Variants in MED24 observed in about 807,000 individuals in gnomAD.
MED24 encodes mediator of RNA polymerase II transcription subunit 24.
MED24 carries 74 observed loss-of-function variants against 118.8 expected under a neutral mutation model. The ratio of observed to expected loss-of-function variants is 0.62; its 90% CI spans 0.52 to 0.76. The LOEUF (loss-of-function observed/expected upper bound fraction) is 0.76. MED24 is among the 30% of genes least tolerant of loss of function. MED24 has a pLI of 0.00. For missense variants in MED24, 1,041 were observed against 1,278.9 expected (o/e 0.81, Z 2.84); for synonymous variants, 521 against 523.9 (o/e 0.99, Z 0.08).
chr17:40,053,717 G>C, intron 1 of MED24, 82 bp from the exon 2 acceptor site: 1 of 1,540,904 alleles, frequency 6.5e-7, no homozygotes, highest in Non-Finnish European at 8.9e-7. Context: ...AAATAGAAAG[G>C]AGAAGATGCG....
chr17:40,046,988 G>A (rs1007580805), intron 3 of MED24, among the ~76,000 whole-genome samples: 2 of 151,982 alleles, frequency 1.3e-5, no homozygotes. Flanking sequence ...CATGACTGTA[G>A]TCCCAACTCC....
intron 3 of MED24, among the ~76,000 whole-genome samples, chr17:40,050,992 C>T (rs1373397865): frequency 2.6e-5 from 4 of 152,036 alleles, no homozygotes; most frequent in Admixed American, 6.6e-5. Context: ...CAAAATTAGC[C>T]GGGTGTAATG....
intron 24 of MED24, 98 bp from the exon 25 acceptor site, chr17:40,020,031 C>T: frequency 1.4e-6 from 2 of 1,408,390 alleles, no homozygotes; most frequent in South Asian, 2.5e-5. Context: ...AAAAGAAACA[C>T]ATGCTGAGCA....
chr17:40,053,901 C>G, intron 1 of MED24: 1 of 575,656 alleles, frequency 1.7e-6, no homozygotes. Flanking sequence ...GAGGCAGAGG[C>G]GGGCGAATCA....
chr17:40,031,912 G>A (rs1041329822), intron 10 of MED24, 131 bp downstream of exon 10: 49 of 1,069,628 alleles, frequency 4.6e-5, no homozygotes, highest in South Asian at 3.0e-5. Flanking sequence ...TGTGAAGCAC[G>A]TGCACGCTGA....
chr17:40,021,710 G>A (rs1350914901), intron 23 of MED24, among the ~76,000 whole-genome samples: 1 of 152,198 alleles, frequency 6.6e-6, no homozygotes, highest in Non-Finnish European at 1.5e-5. Context: ...AGGGCTGTGG[G>A]GGAACAACTG....
chr17:40,022,131 C>T (rs368786042), intron 22 of MED24, 77 bp from the exon 23 acceptor site: 1 of 1,199,018 alleles, frequency 8.3e-7, no homozygotes. Flanking sequence ...AGCTTGAGCT[C>T]CGATTTGAGC....
At chr17:40,031,089 G>T in intron 12 of MED24, 70 bp downstream of exon 12, 1 of 1,444,932 alleles carries the variant, frequency 6.9e-7, no homozygotes, top group Non-Finnish European at 9.5e-7. Flanking sequence ...TGAAAGGCAC[G>T]CAGCAGCCCC....
chr17:40,020,446 C>G, intron 23 of MED24, 93 bp from the exon 24 acceptor site: 2 of 1,546,818 alleles, frequency 1.3e-6, no homozygotes, highest in Non-Finnish European at 1.7e-6. Flanking sequence ...CTTCACCCAT[C>G]GGAGGTAACT....
intron 14 of MED24, among the ~76,000 whole-genome samples, chr17:40,028,352 G>A (rs1009470326): frequency 3.3e-5 from 5 of 152,136 alleles, no homozygotes; most frequent in African/African-American, 9.7e-5. Flanking sequence ...GACCTCAGGT[G>A]ATCCGCCCAC....
chr17:40,053,405 A>G (rs201558100), intron 2 of MED24, 25 bp from the exon 3 acceptor site: 109 of 1,613,232 alleles, frequency 6.8e-5, no homozygotes, highest in Non-Finnish European at 6.8e-6. Context: ...GCAAAACACA[A>G]CTGAGTGATT....
intron 3 of MED24, among the ~76,000 whole-genome samples, chr17:40,047,701 CA>C (rs111344904): frequency 0.089 from 13,148 of 147,280 alleles, 1,955 homozygotes; most frequent in African/African-American, 0.31. Context: ...AAAACAACAA[CA>C]AAAAAAAAAC....
intron 23 of MED24, among the ~76,000 whole-genome samples, chr17:40,021,746 G>A (rs552621551): frequency 2.6e-5 from 4 of 152,346 alleles, no homozygotes; most frequent in African/African-American, 9.6e-5. Flanking sequence ...CTGGGCAGAG[G>A]AGCTTCAACC....
chr17:40,019,311 C>T lies in MED24; in HGVS notation c.*218G>A. 1.8e-6 allele frequency: 1 copy of T among 570,554 alleles called. No homozygotes were observed. The highest frequency in any genetic ancestry group is 2.1e-5 in the South Asian group (1 of 48,100). The allele number at this position is 570,554 out of a possible 1,614,324, so 35.3% of individuals were successfully genotyped here. A position where few individuals can be genotyped will look rare whatever the true frequency, so the allele number is the denominator to read the frequency against. On this transcript the variant is annotated 3_prime_UTR_variant, in exon 26 of 26. Coordinates refer to ENST00000394128, the MANE Select transcript of MED24 (RefSeq NM_014815.4). Reference sequence around the variant, plus strand: ...GCTTGTGGTCCAGGCTGCTCACTCTCCTCAGGTGCCAGCAGATGGAGAGGA... The same window carrying T: ...GCTTGTGGTCCAGGCTGCTCACTCTTCTCAGGTGCCAGCAGATGGAGAGGA...
chr17:40,033,069 AC>A lies in MED24; in HGVS notation c.808del (p.Val270Ter). The A allele has an allele frequency of 6.2e-7, 1 of 1,613,956 alleles. No individual in the cohort carries two copies. Among genetic ancestry groups the A allele is most frequent in the Non-Finnish European group, 8.5e-7 (1 of 1,180,010 alleles). On this transcript the variant is annotated frameshift_variant, in exon 8 of 26. Coordinates refer to ENST00000394128, the MANE Select transcript of MED24 (RefSeq NM_014815.4). LOFTEE classifies it high-confidence loss of function. The surrounding 1 kb of genome is among the most constrained non-coding windows in gnomAD (Gnocchi z 5.2). Reference sequence around the variant, plus strand: ...GGCCCCTCCCACCTGCATGCGCTTCACCATCGTCAGCTGCTCCACCAGGGAC... The same window carrying A: ...GGCCCCTCCCACCTGCATGCGCTTCACATCGTCAGCTGCTCCACCAGGGAC... ...TQSLVEQLTM[V>X]KRMQHIPTPL...
At chr17:40,031,088 C>A (rs567437590) in intron 12 of MED24, 71 bp downstream of exon 12, 26 of 1,447,904 alleles carry the variant, frequency 1.8e-5, no homozygotes, top group Non-Finnish European at 2.1e-5. Flanking sequence ...TTGAAAGGCA[C>A]GCAGCAGCCC....
chr17:40,037,622 T>C (rs1984093001), intron 3 of MED24, among the ~76,000 whole-genome samples: 1 of 152,020 alleles, frequency 6.6e-6, no homozygotes, highest in Non-Finnish European at 1.5e-5. Flanking sequence ...TAAAGTTAAA[T>C]AAAATTTGGC....
At chr17:40,039,830 C>A (rs1398512358) in intron 3 of MED24, among the ~76,000 whole-genome samples, 2 of 146,036 alleles carry the variant, frequency 1.4e-5, no homozygotes, top group Admixed American at 7.2e-5. Context: ...CTCGCCCAGG[C>A]TGGAGTGCAG....
Position 40,032,723 on chromosome 17 carries a change from C to G in MED24, c.862G>C (p.Ala288Pro), listed in dbSNP as rs1983527759. 6.2e-7 allele frequency: 1 copy of G among 1,613,816 alleles called. No homozygotes were observed. Among genetic ancestry groups the G allele is most frequent in the African/African-American group, 1.3e-5 (1 of 74,910 alleles). The change falls in exon 9 of 26, where the codon GCT becomes CCT. Residue 288 changes from alanine to proline, a missense_variant. This residue lies in a region of MED24 where 434 missense variants were observed against 514.9 expected (regional missense o/e 0.84). Coordinates refer to ENST00000394128, the MANE Select transcript of MED24 (RefSeq NM_014815.4). ...TPLFVLEIWK[A>P]CFVGLIESPE... Reference sequence around the variant, plus strand: ...GACTCAATGAGCCCCACGAAGCAAGCTTTCCAGATCTCCAGGACAAAAAGT... The same window carrying G: ...GACTCAATGAGCCCCACGAAGCAAGGTTTCCAGATCTCCAGGACAAAAAGT...
Sources: gnomAD v4.1 joint callset for allele counts (sites outside exome capture counted in the v4.1 genomes callset) on GRCh38, gnomAD v4.1.1 for gene constraint, gnomAD v4.1.1 regional missense constraint, Gnocchi (gnomAD v3.1) non-coding constraint, MANE v1.5 for transcripts, NCBI Gene and HGNC (gene_info 2026-07-23, HGNC 2026-07-21) for gene names.